Variants in ECH1 observed in about 807,000 individuals in gnomAD.
The protein encoded by ECH1 is delta(3,5)-Delta(2,4)-dienoyl-CoA isomerase, mitochondrial.
Under a neutral mutation model 37.0 loss-of-function variants are expected in ECH1, and 30 were observed. That is an observed-to-expected ratio of 0.81 (90% CI 0.61 to 1.10). The LOEUF (loss-of-function observed/expected upper bound fraction) is 1.10, where lower values mean the gene tolerates loss of function less well. Among genes scored for constraint, ECH1 ranks in the 50% least tolerant of loss-of-function variants. The pLI is 0.00. For synonymous variants in ECH1, 178 were observed against 176.0 expected (o/e 1.01, Z -0.09); for missense variants, 456 against 441.6 (o/e 1.03, Z -0.29).
At chr19:38,821,822 C>T (rs1179791931) in intron 3 of ECH1, among the ~76,000 whole-genome samples, 6 of 152,228 alleles carry the variant, frequency 3.9e-5, no homozygotes, top group Admixed American at 2.6e-4. Context: ...CCCCGAGGAG[C>T]GCCACCCCCT....
chr19:38,823,999 C>T (rs562135163), intron 3 of ECH1, among the ~76,000 whole-genome samples: 81 of 152,260 alleles, frequency 5.3e-4, no homozygotes, highest in African/African-American at 1.6e-3. Context: ...TGGAATTTTA[C>T]GATCCCTCCT....
intron 1 of ECH1, 98 bp downstream of exon 1, chr19:38,831,623 C>T (rs1482950914): frequency 6.4e-7 from 1 of 1,573,264 alleles, no homozygotes; most frequent in Non-Finnish European, 8.7e-7. Flanking sequence ...ATTTAGGGGA[C>T]TCGGGCCCTT....
intron 5 of ECH1, 37 bp downstream of exon 5, chr19:38,817,278 TG>T (rs1971591784): frequency 1.3e-6 from 2 of 1,532,200 alleles, no homozygotes; most frequent in Non-Finnish European, 1.8e-6. Context: ...CAGCCCCACC[TG>T]GGGAGCACCC....
chr19:38,815,713 G>A lies in ECH1; in HGVS notation c.887C>T (p.Ser296Phe), dbSNP rs567275196. Residue 296 changes from serine to phenylalanine, a missense_variant, in exon 10 of 10, where the codon TCC becomes TTC. Ser to Phe is a radical substitution (Grantham distance 155, BLOSUM62 -2). Coordinates refer to ENST00000221418, the MANE Select transcript of ECH1 (RefSeq NM_001398.3). ...GGTCTGCAGCATGCTCATGTTCCAG[G>A]ACGCCTGGTACCGAGGGTGTTGAGA... ...SVAESLNYVA[S>F]WNMSMLQTQD... 1.6e-5 allele frequency: 26 copies of A among 1,614,070 alleles called. No individual in the cohort carries two copies. The highest frequency in any genetic ancestry group is 2.7e-5 in the African/African-American group (2 of 74,920).
intron 3 of ECH1, among the ~76,000 whole-genome samples, chr19:38,825,796 T>C (rs1971730708): frequency 6.6e-6 from 1 of 152,222 alleles, no homozygotes; most frequent in Non-Finnish European, 1.5e-5. Context: ...CCCTCGTCCA[T>C]GTCCACTATG....
rs565533232 is a variant in ECH1 at position 38,815,872 on chromosome 19, C to G, written c.867G>C (p.Glu289Asp). ...LLYSRDHSVA[E>D]SLNYVASWNM... ...TGCACCTTACCACGTAGTTGAGGCTCTCGGCCACCGAATGGTCGCGGGAAT... is the reference window on the plus strand; with the variant it reads ...TGCACCTTACCACGTAGTTGAGGCTGTCGGCCACCGAATGGTCGCGGGAAT... Residue 289 changes from glutamate (E) to aspartate (D), a missense_variant, in exon 9 of 10, where the codon GAG becomes GAC. Coordinates refer to ENST00000221418, the MANE Select transcript of ECH1 (RefSeq NM_001398.3). 6.6e-4 allele frequency: 1,063 copies of G among 1,614,182 alleles called. 18 individuals carry two copies. In the South Asian group the frequency reaches 0.011, roughly 17 times the overall value.
chr19:38,816,150 AATAAAGAAAT>A, intron 8 of ECH1, 124 bp downstream of exon 8: 1 of 1,471,656 alleles, frequency 6.8e-7, no homozygotes, highest in Non-Finnish European at 9.1e-7. Flanking sequence ...CTGACCCCAC[AATAAAGAAAT>A]GAGCTCACCA....
intron 3 of ECH1, chr19:38,818,234 T>C (rs1078734): frequency 0.47 from 464,834 of 985,104 alleles, 115,016 homozygotes; most frequent in African/African-American, 0.84. Flanking sequence ...CCAGACAGCC[T>C]GGGACTCAAG....
chr19:38,823,540 G>A (rs1426084683), intron 3 of ECH1, among the ~76,000 whole-genome samples: 1 of 152,198 alleles, frequency 6.6e-6, no homozygotes, highest in Non-Finnish European at 1.5e-5. Context: ...AGGCTTTCTG[G>A]GAAAGGGCTC....
chr19:38,830,018 G>T lies in ECH1; in HGVS notation c.349+1060C>A, dbSNP rs184488431. Among the ~76,000 whole-genome samples the T allele has an allele frequency of 2.2e-3, 329 of 152,092 alleles. 2 individuals are homozygous for T. The highest frequency in any genetic ancestry group is 7.3e-3 in the African/African-American group (304 of 41,498). On this transcript the variant is annotated intron_variant, in intron 3 of 9. Transcript: ENST00000221418. Reference sequence around the variant, plus strand: ...TAGAAACACAAAAAATTAGCCGGGCGTGGTGGCGGGCACTTGTAACCCCAG... The same window carrying T: ...TAGAAACACAAAAAATTAGCCGGGCTTGGTGGCGGGCACTTGTAACCCCAG...
At chr19:38,817,391 C>A in intron 4 of ECH1, 27 bp from the exon 5 acceptor site, 2 of 1,605,268 alleles carry the variant, frequency 1.2e-6, no homozygotes, top group Admixed American at 1.7e-5. Context: ...AGAGTGGGGT[C>A]AGGGCTGGCC....
chr19:38,831,135 T>C lies in ECH1; in HGVS notation c.292A>G (p.Arg98Gly), dbSNP rs779178391. Residue 98 changes from arginine (R) to glycine (G), a missense_variant, in exon 3 of 10, where the codon AGA becomes GGA. Arg to Gly is a moderately radical substitution (Grantham distance 125). Transcript: ENST00000221418. ...ACCACCGCCCGACAGTCAGCGTCTC[T>C]CGAAATCTTGTTGAAGCACTCTACC... ...EMVECFNKIS[R>G]DADCRAVVIS... 1.9e-6 allele frequency: 3 copies of C among 1,614,110 alleles called. No homozygotes were observed. The highest frequency in any genetic ancestry group is 1.6e-4 in the Middle Eastern group (1 of 6,062).
At chr19:38,821,168 C>A (rs2145375542) in intron 3 of ECH1, among the ~76,000 whole-genome samples, 1 of 151,858 alleles carries the variant, frequency 6.6e-6, no homozygotes, top group South Asian at 2.1e-4. Context: ...GTCCCAGCTA[C>A]TTGAGGGGCT....
chr19:38,831,357 T>C lies in ECH1; in HGVS notation c.212A>G (p.Gln71Arg). The change falls in exon 2 of 10, where the codon CAG becomes CGG. Residue 71 changes from glutamine to arginine, a missense_variant. By Grantham distance (43) the Gln-to-Arg change is conservative (BLOSUM62 1). Transcript: ENST00000221418. ...ATTCCTCTTGTTGGGCCGGTTGAGCTGGACATGCAGAACATGTTTCTGCGC... is the reference window on the plus strand; with the variant it reads ...ATTCCTCTTGTTGGGCCGGTTGAGCCGGACATGCAGAACATGTTTCTGCGC... ...TSAQKHVLHV[Q>R]LNRPNKRNAM... The C allele has an allele frequency of 6.2e-7, 1 of 1,613,850 alleles. No homozygotes were observed. Among genetic ancestry groups the C allele is most frequent in the Non-Finnish European group, 8.5e-7 (1 of 1,179,852 alleles).
At chr19:38,830,936 C>G in intron 3 of ECH1, 142 bp downstream of exon 3, 1 of 706,382 alleles carries the variant, frequency 1.4e-6, no homozygotes, top group South Asian at 1.9e-5. Context: ...AGCGTGGCAA[C>G]AGAGCAAGAC....
Position 38,817,316 on chromosome 19 carries a change from C to T in ECH1, c.523G>A (p.Gly175Ser), listed in dbSNP as rs1971592829. 3 of 1,555,740 alleles carry T rather than the reference C, an allele frequency of 1.9e-6. No homozygotes were observed. The highest frequency in any genetic ancestry group is 3.4e-4 in the Middle Eastern group (2 of 5,958). The change falls in exon 5 of 10, where the codon GGT (glycine) becomes AGT (serine). Residue 175 changes from glycine to serine, a missense_variant and splice_region_variant. Transcript: ENST00000221418. ...AAVHGGCIGG[G>S]VDLVTACDIR... ...AGCAGGAGGATAGCCGCAGACTCAC[C>T]TCCGCCAATGCAGCCCCCATGGACG...
chr19:38,818,399 C>T (rs1315155997), intron 3 of ECH1: 1 of 985,316 alleles, frequency 1.0e-6, no homozygotes, highest in Non-Finnish European at 1.2e-6. Context: ...CCTGCTCTCC[C>T]TGTTTCCACC....
chr19:38,819,906 C>G (rs371748702), intron 3 of ECH1, among the ~76,000 whole-genome samples: 4 of 151,760 alleles, frequency 2.6e-5, no homozygotes, highest in East Asian at 3.9e-4. Flanking sequence ...CAGCTATGAT[C>G]GCGCCACTGC....
At chr19:38,830,457 T>A (rs1019938867) in intron 3 of ECH1, among the ~76,000 whole-genome samples, 6 of 152,126 alleles carry the variant, frequency 3.9e-5, no homozygotes. Flanking sequence ...GACTAATACT[T>A]ATATTTGAAT....
Sources: gnomAD v4.1 joint callset for allele counts (sites outside exome capture counted in the v4.1 genomes callset) on GRCh38, gnomAD v4.1.1 for gene constraint, MANE v1.5 for transcripts, NCBI Gene and HGNC (gene_info 2026-07-23, HGNC 2026-07-21) for gene names.